TRPM7: variants seen among roughly 807,000 people sequenced by gnomAD.
TRPM7 encodes the protein transient receptor potential cation channel subfamily M member 7, also known as LTRPC ion channel family member 7.
TRPM7 carries 134 observed loss-of-function variants against 229.7 expected under a neutral mutation model. That is an observed-to-expected ratio of 0.58 (90% CI 0.51 to 0.67). The LOEUF is 0.67. Ranked by LOEUF, TRPM7 falls within the 30% of genes least tolerant of loss-of-function variation. The pLI is 0.00. For missense variants in TRPM7, 1,901 were observed against 2,210.0 expected (o/e 0.86, Z 2.80); for synonymous variants, 699 against 715.2 (o/e 0.98, Z 0.36).
rs200920953 is a variant in TRPM7, at chr15:50,578,590, C to T, written c.4618+49G>A. 6.2e-5 allele frequency: 98 copies of T among 1,568,384 alleles called. No individual in the cohort carries two copies. The East Asian group carries it at 2.2e-3, about 35-fold the overall frequency. The stretch of plus-strand genomic sequence containing the variant: ...TAATGTGGTGTTTGCTGTAACAGAT[C>T]ATGTAAGATTCTCATTTTTTTCACG... On this transcript the variant is annotated intron_variant, in intron 31 of 38. Coordinates refer to ENST00000646667, the MANE Select transcript of TRPM7 (RefSeq NM_017672.6).
At chr15:50,565,841 T>C (rs75189730) in intron 38 of TRPM7, among the ~76,000 whole-genome samples, 1 of 145,132 alleles carries the variant, frequency 6.9e-6, no homozygotes, top group Non-Finnish European at 1.5e-5. Context: ...TTTTTTTTTT[T>C]GAGACGGAGT....
At chr15:50,665,667 A>G (rs2061860892) in intron 1 of TRPM7, among the ~76,000 whole-genome samples, 1 of 152,200 alleles carries the variant, frequency 6.6e-6, no homozygotes, top group Non-Finnish European at 1.5e-5. Flanking sequence ...GTGCATGTAT[A>G]GGAAAATGTA....
At chr15:50,585,346 A>T (rs2054647835) in intron 28 of TRPM7, among the ~76,000 whole-genome samples, 1 of 152,220 alleles carries the variant, frequency 6.6e-6, no homozygotes, top group Admixed American at 6.5e-5. Context: ...TACAGGCGTA[A>T]GCCACCTGGC....
chr15:50,611,718 A>G (rs555731805), intron 16 of TRPM7, among the ~76,000 whole-genome samples: 1 of 152,300 alleles, frequency 6.6e-6, no homozygotes, highest in African/African-American at 2.4e-5. Flanking sequence ...TAATTATGAA[A>G]AACATCTGAA....
intron 1 of TRPM7, among the ~76,000 whole-genome samples, chr15:50,681,220 C>G (rs1349601285): frequency 6.6e-6 from 1 of 151,626 alleles, no homozygotes; most frequent in Non-Finnish European, 1.5e-5. Context: ...CACTGCACTT[C>G]AGCCTGGATG....
chr15:50,575,034 ACT>A lies in TRPM7; in HGVS notation c.4835_4836del (p.Glu1612ValfsTer25), dbSNP rs1204433113. 1 of 1,613,290 alleles carries A rather than the reference ACT, an allele frequency of 6.2e-7. No homozygotes were observed. ...WSQLGLCAKIEFLSKEEMGGG... is the reference protein window; with the variant it reads ...WSQLGLCAKIXFLSKEEMGGG... The stretch of plus-strand genomic sequence containing the variant: ...CCTCCCATCTCCTCTTTGCTTAAAA[ACT>A]CTATTTTGGCACAGAGGCCTAGTTG... On this transcript the variant is annotated frameshift_variant, in exon 34 of 39. Coordinates refer to ENST00000646667, the MANE Select transcript of TRPM7 (RefSeq NM_017672.6). LOFTEE classifies it high-confidence loss of function.
chr15:50,631,692 A>C (rs995910098), intron 9 of TRPM7, among the ~76,000 whole-genome samples: 4 of 152,086 alleles, frequency 2.6e-5, no homozygotes, highest in African/African-American at 9.7e-5. Context: ...AAAAACCAAA[A>C]AATTTTAAAA....
intron 1 of TRPM7, among the ~76,000 whole-genome samples, chr15:50,670,291 G>A (rs1229879758): frequency 6.6e-6 from 1 of 152,064 alleles, no homozygotes; most frequent in East Asian, 1.9e-4. Context: ...CTTGAATAGG[G>A]GCTGAGTAAA....
At chr15:50,632,408 A>C (rs759606117) in intron 9 of TRPM7, among the ~76,000 whole-genome samples, 2 of 152,222 alleles carry the variant, frequency 1.3e-5, no homozygotes, top group Non-Finnish European at 2.9e-5. Context: ...ACAGCAAATC[A>C]AATCATGTTA....
chr15:50,645,562 C>T (rs1311206627), intron 4 of TRPM7, among the ~76,000 whole-genome samples: 1 of 152,134 alleles, frequency 6.6e-6, no homozygotes, highest in Non-Finnish European at 1.5e-5. Flanking sequence ...GAACTCCTGA[C>T]CTCAGGTGAT....
chr15:50,661,551 T>C (rs2061725183), intron 2 of TRPM7, among the ~76,000 whole-genome samples: 1 of 151,954 alleles, frequency 6.6e-6, no homozygotes, highest in Admixed American at 6.5e-5. Context: ...TTAAGAATTT[T>C]TTAAAATGTT....
chr15:50,654,731 G>A (rs2061510388), intron 3 of TRPM7, among the ~76,000 whole-genome samples: 1 of 150,788 alleles, frequency 6.6e-6, no homozygotes, highest in Non-Finnish European at 1.5e-5. Context: ...GGGCGCAGTG[G>A]CTCACGCCTG....
intron 27 of TRPM7, 63 bp downstream of exon 27, chr15:50,589,529 G>A: frequency 8.7e-7 from 1 of 1,152,812 alleles, no homozygotes; most frequent in Non-Finnish European, 1.3e-6. Flanking sequence ...ATTAAATTTT[G>A]AACTAAACAT....
chr15:50,623,499 C>G (rs2060476737), intron 12 of TRPM7, among the ~76,000 whole-genome samples: 1 of 147,180 alleles, frequency 6.8e-6, no homozygotes, highest in Non-Finnish European at 1.5e-5. Flanking sequence ...CCCCTCCCCG[C>G]CCCGCCCTGG....
chr15:50,597,068 A>G (rs939483669), intron 22 of TRPM7, among the ~76,000 whole-genome samples: 7 of 152,250 alleles, frequency 4.6e-5, no homozygotes, highest in African/African-American at 9.6e-5. Context: ...ATAGCAAAAC[A>G]TATACATTTA....
At chr15:50,677,521 G>C (rs548458428) in intron 1 of TRPM7, among the ~76,000 whole-genome samples, 2 of 150,360 alleles carry the variant, frequency 1.3e-5, no homozygotes, top group African/African-American at 4.9e-5. Context: ...CAGGCGGATC[G>C]CAAGGTCAGA....
chr15:50,644,515 C>T (rs762959110), intron 4 of TRPM7, among the ~76,000 whole-genome samples: 23 of 152,088 alleles, frequency 1.5e-4, no homozygotes, highest in Non-Finnish European at 2.4e-4. Context: ...ACAAATGAAG[C>T]CAAAAGGCCA....
rs1361820927 is a variant in TRPM7 at position 50,613,839 on chromosome 15, C to T, written c.1638G>A (p.Arg546=). 4 of 1,605,912 alleles carry T rather than the reference C, an allele frequency of 2.5e-6. No individual in the cohort carries two copies. Among genetic ancestry groups the T allele is most frequent in the Non-Finnish European group, 3.4e-6 (4 of 1,178,166 alleles). Residue 546 remains arginine (R), a splice_region_variant and synonymous_variant, in exon 15 of 39, where the codon AGG becomes AGA. Coordinates refer to ENST00000646667, the MANE Select transcript of TRPM7 (RefSeq NM_017672.6). The part of the protein sequence containing the change: ...IYNSLGGNNR[R]SGRNTSSSTP... ...TGCTGCTGGAGGTATTTCGGCCAGACCTCTGAAAATGAGATCTTATTAGCT... is the reference window on the plus strand; with the variant it reads ...TGCTGCTGGAGGTATTTCGGCCAGATCTCTGAAAATGAGATCTTATTAGCT...
chr15:50,570,841 T>C (rs2053848351), intron 36 of TRPM7, among the ~76,000 whole-genome samples: 2 of 148,364 alleles, frequency 1.3e-5, no homozygotes, highest in Admixed American at 6.7e-5. Flanking sequence ...GGCAACAGAG[T>C]GAAATTCGTC....
Sources: allele counts gnomAD v4.1 joint callset (sites outside exome capture counted in the v4.1 genomes callset), GRCh38; gene constraint gnomAD v4.1.1; transcripts MANE v1.5; gene names NCBI Gene and HGNC (gene_info 2026-07-23, HGNC 2026-07-21).